BRD4: variants seen among roughly 807,000 people sequenced by gnomAD.
BRD4 encodes the protein bromodomain containing 4, also known as bromodomain-containing protein 4.
In BRD4, 16 loss-of-function variants were observed where a neutral mutation model predicts 142.1. The ratio of observed to expected loss-of-function variants is 0.11; its 90% CI spans 0.08 to 0.17. The LOEUF is 0.17. Among genes scored for constraint, BRD4 ranks in the 10% least tolerant of loss-of-function variants. The pLI is 1.00. For synonymous variants in BRD4, 833 were observed against 707.5 expected (o/e 1.18, Z -2.82); for missense variants, 1,424 against 1,810.9 (o/e 0.79, Z 3.88).
At chr19:15,297,579 G>T (rs916105774) in intron 1 of BRD4, among the ~76,000 whole-genome samples, 1 of 152,158 alleles carries the variant, frequency 6.6e-6, no homozygotes, top group East Asian at 1.9e-4. Flanking sequence ...CAAGTGCAAA[G>T]AACTAAGATA....
intron 1 of BRD4, among the ~76,000 whole-genome samples, chr19:15,327,330 G>A (rs1227595931): frequency 2.0e-5 from 3 of 152,128 alleles, no homozygotes; most frequent in East Asian, 1.9e-4. Context: ...CTTGAGCTCC[G>A]GAGTTCAAGA....
In BRD4 at chr19:15,321,922, G is replaced by C. The variant is rs531264397; in HGVS notation, c.-35+10368C>G. ...AACACAGTGGGTACAGGGAAGAAAC[G>C]AAACTAAAGATCCATGCTTTCACCT... On this transcript the variant is annotated intron_variant, in intron 1 of 19. Coordinates refer to ENST00000679869, the MANE Select transcript of BRD4 (RefSeq NM_001379291.1). 1.1e-4 allele frequency among the ~76,000 whole-genome samples: 17 copies of C among 152,148 alleles called. 1 individual carries two copies. The South Asian group carries it at 2.1e-3, about 19-fold the overall frequency.
At chr19:15,258,317 TC>T (rs1230666506) in intron 7 of BRD4, among the ~76,000 whole-genome samples, 1 of 152,134 alleles carries the variant, frequency 6.6e-6, no homozygotes, top group East Asian at 1.9e-4. Flanking sequence ...GAGTATGACT[TC>T]TTTTAGCCAA....
intron 1 of BRD4, among the ~76,000 whole-genome samples, chr19:15,320,779 T>C: frequency 6.6e-6 from 1 of 152,326 alleles, no homozygotes; most frequent in East Asian, 1.9e-4. Flanking sequence ...TACGAAAATA[T>C]TTGGGATACA....
At chr19:15,244,085 G>C (rs2145514675) in intron 13 of BRD4, 146 bp downstream of exon 13, 1 of 1,423,184 alleles carries the variant, frequency 7.0e-7, no homozygotes. Context: ...TAACTTCCAA[G>C]ATGGCCTCGA....
At chr19:15,253,572 A>C in intron 11 of BRD4, 2 of 1,573,794 alleles carry the variant, frequency 1.3e-6, no homozygotes, top group Non-Finnish European at 1.7e-6. Context: ...AGCAGCCAAC[A>C]CAGCAACGAG....
intron 11 of BRD4, chr19:15,253,829 C>T (rs769881394): frequency 1.9e-5 from 29 of 1,498,278 alleles, no homozygotes; most frequent in East Asian, 4.6e-5. Flanking sequence ...TGGACCCCCA[C>T]GCCCACAGTC....
intron 14 of BRD4, among the ~76,000 whole-genome samples, chr19:15,241,501 C>T (rs560992968): frequency 1.3e-4 from 20 of 152,340 alleles, no homozygotes; most frequent in South Asian, 8.3e-4. Flanking sequence ...CTAGCAGGAT[C>T]CCAATCCACA....
In BRD4 at chr19:15,260,067, C is replaced by A. The variant is rs554171810; in HGVS notation, c.1342-2894G>T. The stretch of plus-strand genomic sequence containing the variant: ...CTTGAGACCCAGCTGAGGCCCAGCC[C>A]CCTGCCCGGCATCCCACAGACCTAC... On this transcript the variant is annotated intron_variant, in intron 7 of 19. Coordinates refer to ENST00000679869, the MANE Select transcript of BRD4 (RefSeq NM_001379291.1). 1.7e-3 allele frequency among the ~76,000 whole-genome samples: 244 copies of A among 147,426 alleles called. 1 individual carries two copies. The highest frequency in any genetic ancestry group is 5.9e-3 in the African/African-American group (235 of 39,934).
Position 15,256,165 on chromosome 19 carries a change from C to A in BRD4, c.1650G>T (p.Lys550Asn). 6.2e-7 allele frequency: 1 copy of A among 1,612,450 alleles called. No homozygotes were observed. Among genetic ancestry groups the A allele is most frequent in the Non-Finnish European group, 8.5e-7 (1 of 1,179,928 alleles). ...EKDKKEKKKE[K>N]HKRKEEVEEN... Reference sequence around the variant, plus strand: ...CTTCCACTTCCTCTTTCCTTTTGTGCTTTTCTTTTTTCTTTTCCTTCTTGT... The same window carrying A: ...CTTCCACTTCCTCTTTCCTTTTGTGATTTTCTTTTTTCTTTTCCTTCTTGT... Residue 550 changes from lysine (K) to asparagine (N), a missense_variant, in exon 9 of 20, where the codon AAG becomes AAT. Around this residue, in one of 16 missense-constraint regions of BRD4, gnomAD observed 86 missense variants for 78.9 expected, o/e 1.09. Transcript: ENST00000679869.
rs747608142 is a variant in BRD4, at chr19:15,264,652, G to A, written c.964C>T (p.Arg322Trp). ...EPKTTKLGQR[R>W]ESSRPVKPPK... ...GGTTTCACAGGCCGGCTGCTCTCCCGCCGCTGGCCCAGCTTGGTGGTCTTG... is the reference window on the plus strand; with the variant it reads ...GGTTTCACAGGCCGGCTGCTCTCCCACCGCTGGCCCAGCTTGGTGGTCTTG... Residue 322 changes from arginine to tryptophan, a missense_variant, in exon 6 of 20, where the codon CGG (arginine) becomes TGG (tryptophan). Physicochemically the swap from Arg to Trp is moderately radical, Grantham distance 101 (BLOSUM62 -3). Coordinates refer to ENST00000679869, the MANE Select transcript of BRD4 (RefSeq NM_001379291.1). 3.1e-6 allele frequency: 5 copies of A among 1,613,758 alleles called. No homozygotes were observed. The highest frequency in any genetic ancestry group is 2.2e-5 in the South Asian group (2 of 91,056).
At chr19:15,325,925 G>T (rs141684801) in intron 1 of BRD4, among the ~76,000 whole-genome samples, 3,214 of 148,042 alleles carry the variant, frequency 0.022, 37 homozygotes, top group Non-Finnish European at 0.033. Context: ...TTGAACCCGG[G>T]AGGCAGAGGC....
chr19:15,241,134 G>A (rs1289305661), intron 14 of BRD4, among the ~76,000 whole-genome samples: 1 of 152,254 alleles, frequency 6.6e-6, no homozygotes, highest in Non-Finnish European at 1.5e-5. Context: ...GCAGCCCACT[G>A]CTGTGTGTGG....
chr19:15,330,468 T>C (rs920246042), intron 1 of BRD4, among the ~76,000 whole-genome samples: 1 of 152,142 alleles, frequency 6.6e-6, no homozygotes, highest in Admixed American at 6.6e-5. Flanking sequence ...AATAAATGCT[T>C]TATGAAATTA....
intron 11 of BRD4, among the ~76,000 whole-genome samples, chr19:15,252,200 G>A (rs1414004855): frequency 2.0e-5 from 3 of 152,170 alleles, no homozygotes; most frequent in Non-Finnish European, 4.4e-5. Flanking sequence ...AGAGGCCAAG[G>A]GCAAAGGCCA....
At chr19:15,257,638 G>A (rs1309609103) in intron 7 of BRD4, among the ~76,000 whole-genome samples, 2 of 152,142 alleles carry the variant, frequency 1.3e-5, no homozygotes, top group Non-Finnish European at 2.9e-5. Flanking sequence ...GGTCCCCGGT[G>A]GGAATGTACC....
At chr19:15,263,620 G>GA in intron 6 of BRD4, 72 bp from the exon 7 acceptor site, 1 of 1,586,066 alleles carries the variant, frequency 6.3e-7, no homozygotes, top group South Asian at 1.1e-5. Flanking sequence ...GGCAGCAGAC[G>GA]AAAGGGATGC....
intron 1 of BRD4, among the ~76,000 whole-genome samples, chr19:15,289,212 C>T (rs1269050759): frequency 6.6e-6 from 1 of 152,198 alleles, no homozygotes; most frequent in Non-Finnish European, 1.5e-5. Context: ...TCTCCCACGA[C>T]CTTTCCAAAT....
intron 1 of BRD4, among the ~76,000 whole-genome samples, chr19:15,279,908 G>A (rs1316045273): frequency 6.6e-6 from 1 of 152,174 alleles, no homozygotes; most frequent in East Asian, 1.9e-4. Flanking sequence ...CTAAAGTGAT[G>A]GAGCACACAG....
Sources: allele counts gnomAD v4.1 joint callset (sites outside exome capture counted in the v4.1 genomes callset), GRCh38; gene constraint gnomAD v4.1.1; regional missense constraint gnomAD v4.1.1; transcripts MANE v1.5; gene names NCBI Gene and HGNC (gene_info 2026-07-23, HGNC 2026-07-21).